The following PLCH1 variants were observed in gnomAD, a reference collection of about 807,000 sequenced individuals.
The protein encoded by PLCH1 is 1-phosphatidylinositol 4,5-bisphosphate phosphodiesterase eta-1.
PLCH1 carries 60 observed loss-of-function variants against 126.7 expected under a neutral mutation model. The ratio of observed to expected loss-of-function variants is 0.47; its 90% CI spans 0.38 to 0.59. PLCH1 has a LOEUF of 0.59. PLCH1 is among the 20% of genes least tolerant of loss of function. The pLI, the probability that PLCH1 is intolerant of heterozygous loss-of-function variation, is 0.00. For missense variants in PLCH1, 1,723 were observed against 2,040.0 expected (o/e 0.84, Z 2.99); for synonymous variants, 719 against 734.9 (o/e 0.98, Z 0.35).
At chr3:155,689,467 G>A (rs1035082494) in intron 2 of PLCH1, among the ~76,000 whole-genome samples, 2 of 152,048 alleles carry the variant, frequency 1.3e-5, no homozygotes, top group Non-Finnish European at 2.9e-5. Context: ...GAGAAACAGA[G>A]ATATATGACC....
intron 2 of PLCH1, among the ~76,000 whole-genome samples, chr3:155,667,953 C>T (rs1038907838): frequency 1.4e-5 from 2 of 147,442 alleles, no homozygotes; most frequent in Non-Finnish European, 3.0e-5. Context: ...GGAGTGGTGG[C>T]GTGTGCCTGT....
At position 155,646,923 on chromosome 3, in the gene PLCH1, C is replaced by T. The variant is rs75039620; in HGVS notation, c.80-50545G>A. The stretch of plus-strand genomic sequence containing the variant: ...ACCTGTGGTTGTTTTAAAATATATT[C>T]ACAAATTCTTGGACACTCCTTTCAC... On this transcript the variant is annotated intron_variant, in intron 2 of 22. Transcript: ENST00000460012. Among the ~76,000 whole-genome samples the T allele has an allele frequency of 7.9e-3, 1,204 of 152,282 alleles. 33 individuals carry two copies. The highest frequency in any genetic ancestry group is 0.047 in the Admixed American group (721 of 15,294).
intron 6 of PLCH1, among the ~76,000 whole-genome samples, chr3:155,576,816 A>G (rs767592574): frequency 6.6e-6 from 1 of 152,176 alleles, no homozygotes; most frequent in Admixed American, 6.5e-5. Context: ...AAATCTTAAC[A>G]CTATTTTAAA....
chr3:155,610,382 AAAAAAAAC>A (rs1031900038), intron 2 of PLCH1, among the ~76,000 whole-genome samples: 3 of 150,082 alleles, frequency 2.0e-5, no homozygotes, highest in East Asian at 2.0e-4. Context: ...AAAAAAAAAA[AAAAAAAAC>A]CATCACCTAG....
At chr3:155,469,404 G>A (rs904813440) in intron 21 of PLCH1, among the ~76,000 whole-genome samples, 8 of 152,192 alleles carry the variant, frequency 5.3e-5, no homozygotes, top group East Asian at 3.9e-4. Flanking sequence ...ATTATATCCC[G>A]CACCTGGCTC....
At chr3:155,496,910 A>G (rs1717115166) in intron 15 of PLCH1, among the ~76,000 whole-genome samples, 2 of 152,250 alleles carry the variant, frequency 1.3e-5, no homozygotes, top group African/African-American at 4.8e-5. Context: ...TTGAGAAAAT[A>G]TAGGGCTTTT....
chr3:155,647,691 T>G (rs1740225577), intron 2 of PLCH1, among the ~76,000 whole-genome samples: 3 of 152,148 alleles, frequency 2.0e-5, no homozygotes, highest in Admixed American at 2.0e-4. Flanking sequence ...TTAACAAGAC[T>G]TTTTCAAAAG....
intron 2 of PLCH1, among the ~76,000 whole-genome samples, chr3:155,642,496 G>A (rs1407573564): frequency 6.6e-6 from 1 of 152,222 alleles, no homozygotes; most frequent in African/African-American, 2.4e-5. Context: ...GTGTGTCTGT[G>A]AGGGTAGTTC....
At position 155,580,203 on chromosome 3, in the gene PLCH1, C is replaced by T. The variant is rs1730492316; in HGVS notation, c.771+3269G>A. 4.6e-5 allele frequency among the ~76,000 whole-genome samples: 7 copies of T among 152,188 alleles called. No homozygotes were observed. In the South Asian group the frequency reaches 1.5e-3, roughly 32 times the overall value. ...AAACTGAAACAAATCTTTTATATAG[C>T]ATTATGGAGATATGTTTCAAAAGCC... is the stretch of plus-strand genomic sequence containing the variant. On this transcript the variant is annotated intron_variant, in intron 6 of 22. Transcript: ENST00000460012.
At chr3:155,637,085 A>G (rs963897813) in intron 2 of PLCH1, among the ~76,000 whole-genome samples, 3 of 152,184 alleles carry the variant, frequency 2.0e-5, no homozygotes, top group African/African-American at 4.8e-5. Context: ...AACTTCTCTA[A>G]TTTTTGTGTA....
At chr3:155,645,651 C>CT (rs1021362053) in intron 2 of PLCH1, among the ~76,000 whole-genome samples, 1 of 151,636 alleles carries the variant, frequency 6.6e-6, no homozygotes, top group Non-Finnish European at 1.5e-5. Flanking sequence ...CAGCTTTTTT[C>CT]TTTTTTTTCA....
intron 8 of PLCH1, among the ~76,000 whole-genome samples, chr3:155,561,221 C>T (rs1223722799): frequency 8.6e-5 from 13 of 150,812 alleles, no homozygotes; most frequent in Admixed American, 3.3e-4. Context: ...CATGCTGGTG[C>T]GCTGCACCCA....
chr3:155,695,652 G>T (rs187398776), intron 2 of PLCH1, among the ~76,000 whole-genome samples: 2 of 152,352 alleles, frequency 1.3e-5, no homozygotes, highest in Non-Finnish European at 2.9e-5. Flanking sequence ...AGACAGAAAT[G>T]AAAGTAGTAA....
At chr3:155,475,934 G>A (rs1713526617), downstream of PLCH1, among the ~76,000 whole-genome samples, 1 of 152,004 alleles carries the variant, frequency 6.6e-6, no homozygotes, top group Admixed American at 6.6e-5. Context: ...AGAAAATAGA[G>A]GAAGAAGGAA....
intron 2 of PLCH1, among the ~76,000 whole-genome samples, chr3:155,601,893 A>G (rs750915782): frequency 2.6e-5 from 4 of 151,982 alleles, no homozygotes; most frequent in African/African-American, 7.3e-5. Context: ...CCTACTTTCT[A>G]TCTCAATAAA....
At chr3:155,534,833 C>A (rs1159157265) in intron 10 of PLCH1, among the ~76,000 whole-genome samples, 1 of 152,130 alleles carries the variant, frequency 6.6e-6, no homozygotes, top group East Asian at 1.9e-4. Context: ...CACTGTTCAC[C>A]CTTCTCTCTC....
chr3:155,463,480 G>A (rs1457116906), intron 21 of PLCH1, among the ~76,000 whole-genome samples: 3 of 152,188 alleles, frequency 2.0e-5, no homozygotes, highest in Non-Finnish European at 2.9e-5. Context: ...GCAATGGTGT[G>A]TAGGGGAAAG....
chr3:155,479,994 T>A lies in PLCH1; in HGVS notation c.*974A>T, dbSNP rs145821149. 4.0e-5 allele frequency: 6 copies of A among 151,540 alleles called. No homozygotes were observed. Among genetic ancestry groups the A allele is most frequent in the Non-Finnish European group, 7.4e-5 (5 of 67,756 alleles). 9.4% of individuals were successfully genotyped at this position (151,540 alleles called of 1,614,324 possible). On this transcript the variant is annotated 3_prime_UTR_variant, in exon 23 of 23. Coordinates refer to ENST00000460012, the MANE Select transcript of PLCH1 (RefSeq NM_014996.4). ...GACATCTGAACATGCAATAAAAAAG[T>A]GAATTCACAGTGAAAATAATGCATG...
Position 155,612,989 on chromosome 3 carries a change from A to C in PLCH1, c.80-16611T>G, listed in dbSNP as rs190141990. Among the ~76,000 whole-genome samples, 450 of 152,136 alleles carry C rather than the reference A, an allele frequency of 3.0e-3. 2 individuals are homozygous for C. The highest frequency in any genetic ancestry group is 0.019 in the South Asian group (92 of 4,812). On this transcript the variant is annotated intron_variant, in intron 2 of 22. Transcript: ENST00000460012. The stretch of plus-strand genomic sequence containing the variant: ...AGATATTACAATCAATAATACAGAA[A>C]TACAAAAGATCATTCAAGGTTCCCA...
Sources: allele counts gnomAD v4.1 joint callset (sites outside exome capture counted in the v4.1 genomes callset), GRCh38; gene constraint gnomAD v4.1.1; transcripts MANE v1.5; gene names NCBI Gene and HGNC (gene_info 2026-07-23, HGNC 2026-07-21).